ANAPC10: variants seen among roughly 807,000 people sequenced by gnomAD.
ANAPC10 encodes anaphase-promoting complex subunit 10.
ANAPC10 carries 12 observed loss-of-function variants against 22.0 expected under a neutral mutation model. That is an observed-to-expected ratio of 0.55 (90% CI 0.35 to 0.88). The LOEUF is 0.88. Among genes scored for constraint, ANAPC10 ranks in the 40% least tolerant of loss-of-function variants. The pLI, the probability that ANAPC10 is intolerant of heterozygous loss-of-function variation, is 0.01. For synonymous variants in ANAPC10, 65 were observed against 69.5 expected (o/e 0.94, Z 0.32); for missense variants, 188 against 220.9 (o/e 0.85, Z 0.94).
At chr4:145,087,741 A>G (rs1476464958) in intron 2 of ANAPC10, among the ~76,000 whole-genome samples, 3 of 152,304 alleles carry the variant, frequency 2.0e-5, no homozygotes, top group Non-Finnish European at 4.4e-5. Context: ...AATATGAAGT[A>G]TTAGTACAAC....
intron 4 of ANAPC10, among the ~76,000 whole-genome samples, chr4:145,002,207 C>T (rs918621203): frequency 6.6e-6 from 1 of 152,112 alleles, no homozygotes; most frequent in Non-Finnish European, 1.5e-5. Context: ...AACAAGTTAA[C>T]ATTAATGATG....
chr4:145,073,584 G>A (rs1189422757), intron 3 of ANAPC10, among the ~76,000 whole-genome samples: 1 of 151,998 alleles, frequency 6.6e-6, no homozygotes, highest in Admixed American at 6.5e-5. Context: ...AGTACTTTCT[G>A]TTCAAAGTGC....
At chr4:145,015,998 C>T (rs1442087993) in intron 4 of ANAPC10, among the ~76,000 whole-genome samples, 1 of 152,104 alleles carries the variant, frequency 6.6e-6, no homozygotes, top group Non-Finnish European at 1.5e-5. Flanking sequence ...AAGCACAAAT[C>T]TCACAGCCAA....
intron 4 of ANAPC10, among the ~76,000 whole-genome samples, chr4:145,015,041 C>A (rs186979654): frequency 1.3e-5 from 2 of 152,096 alleles, no homozygotes; most frequent in Admixed American, 1.3e-4. Context: ...TTAACACCCC[C>A]CAAAAAATCA....
rs148082500 is a variant in ANAPC10, at chr4:145,079,636, A to G, written c.206+2024T>C. On this transcript the variant is annotated intron_variant, in intron 3 of 4. Transcript: ENST00000507656. ...AGACAAGGAATCAACCTAGATGCCC[A>G]TCAACAGTGGACTGGATAAAGAAAA... 6.9e-3 allele frequency among the ~76,000 whole-genome samples: 1,055 copies of G among 152,354 alleles called. 6 individuals carry two copies. The highest frequency in any genetic ancestry group is 0.02 in the Middle Eastern group (6 of 294).
intron 2 of ANAPC10, among the ~76,000 whole-genome samples, chr4:145,092,698 G>A (rs1747869742): frequency 6.6e-6 from 1 of 152,116 alleles, no homozygotes; most frequent in African/African-American, 2.4e-5. Context: ...CTAAGTCAGT[G>A]CTACAGATAC....
Position 145,094,876 on chromosome 4 carries a change from A to C in ANAPC10, c.115+1109T>G, listed in dbSNP as rs573544633. The stretch of plus-strand genomic sequence containing the variant: ...AAGAAGATAGTGAAAGAGCATTCAT[A>C]AATTTTTGAGAGAAAAGGACTGCCA... On this transcript the variant is annotated intron_variant, in intron 2 of 4. Coordinates refer to ENST00000507656, the MANE Select transcript of ANAPC10 (RefSeq NM_001256706.2). Among the ~76,000 whole-genome samples, 8 of 152,316 alleles carry C rather than the reference A, an allele frequency of 5.3e-5. No individual in the cohort carries two copies. The South Asian group carries it at 1.7e-3, about 32-fold the overall frequency.
intron 2 of ANAPC10, among the ~76,000 whole-genome samples, chr4:145,085,190 G>A (rs985131203): frequency 2.0e-5 from 3 of 152,142 alleles, no homozygotes; most frequent in Admixed American, 1.3e-4. Flanking sequence ...CCTGGAGTTC[G>A]AGGCTGTAGT....
intron 4 of ANAPC10, among the ~76,000 whole-genome samples, chr4:145,018,587 G>T (rs1457911434): frequency 3.3e-5 from 5 of 151,808 alleles, no homozygotes; most frequent in East Asian, 1.9e-4. Context: ...GCAGTGAGCC[G>T]AGATCGTGCC....
chr4:145,001,126 A>AT (rs1390410446), intron 4 of ANAPC10, among the ~76,000 whole-genome samples: 1 of 151,702 alleles, frequency 6.6e-6, no homozygotes, highest in Non-Finnish European at 1.5e-5. Context: ...TGGTACATGT[A>AT]TACCTATGTA....
chr4:145,047,319 T>C (rs560426210), intron 4 of ANAPC10, among the ~76,000 whole-genome samples: 9 of 152,222 alleles, frequency 5.9e-5, no homozygotes, highest in Non-Finnish European at 1.2e-4. Flanking sequence ...AAACCCAGAT[T>C]GCAGGTTATG....
Position 145,011,116 on chromosome 4 carries a change from G to A in ANAPC10, c.328-15513C>T, listed in dbSNP as rs151060473. On this transcript the variant is annotated intron_variant, in intron 4 of 4. Coordinates refer to ENST00000507656, the MANE Select transcript of ANAPC10 (RefSeq NM_001256706.2). Reference sequence around the variant, plus strand: ...GGAGGCCGAGGCAAGTGGATCACCCGAGGTCAGGAGTTCGAGACCAACCTG... The same window carrying A: ...GGAGGCCGAGGCAAGTGGATCACCCAAGGTCAGGAGTTCGAGACCAACCTG... Among the ~76,000 whole-genome samples, 1,443 of 151,978 alleles carry A rather than the reference G, an allele frequency of 9.5e-3. 29 individuals are homozygous for A. The highest frequency in any genetic ancestry group is 0.033 in the African/African-American group (1,370 of 41,420).
chr4:144,999,785 C>T (rs1294047543), intron 4 of ANAPC10, among the ~76,000 whole-genome samples: 1 of 152,140 alleles, frequency 6.6e-6, no homozygotes, highest in Non-Finnish European at 1.5e-5. Flanking sequence ...AGGCATCATG[C>T]TACCTCACTT....
chr4:145,036,667 C>T (rs1400154949), intron 4 of ANAPC10, among the ~76,000 whole-genome samples: 1 of 152,042 alleles, frequency 6.6e-6, no homozygotes, highest in Non-Finnish European at 1.5e-5. Context: ...TTTTAACCTA[C>T]ATACATGTTT....
intron 4 of ANAPC10, among the ~76,000 whole-genome samples, chr4:145,006,508 C>T (rs971904255): frequency 1.3e-5 from 2 of 151,994 alleles, no homozygotes; most frequent in African/African-American, 4.8e-5. Flanking sequence ...TACAAGAAGA[C>T]CTAGATTTGA....
At chr4:145,014,081 G>C (rs1267094638) in intron 4 of ANAPC10, among the ~76,000 whole-genome samples, 1 of 152,068 alleles carries the variant, frequency 6.6e-6, no homozygotes, top group Non-Finnish European at 1.5e-5. Flanking sequence ...GAAGGCTCCT[G>C]GCCAGAACTC....
At position 144,995,587 on chromosome 4, in the gene ANAPC10, T is replaced by C. The variant is rs1430044692; in HGVS notation, c.344A>G (p.Glu115Gly). 1.2e-6 allele frequency: 2 copies of C among 1,608,406 alleles called. No individual in the cohort carries two copies. Among genetic ancestry groups the C allele is most frequent in the African/African-American group, 1.3e-5 (1 of 74,786 alleles). Reference protein sequence around the residue: ...LQEIRQLELVEPSGWIHVPLT... With the variant: ...LQEIRQLELVGPSGWIHVPLT... ...GGGAACATGAATCCAGCCACTTGGT[T>C]CCACCAACTCAAGTTGCTGCCAAGG... is the stretch of plus-strand genomic sequence containing the variant. The change falls in exon 5 of 5, where the codon GAA (glutamate) becomes GGA (glycine). Residue 115 changes from glutamate (E) to glycine (G), a missense_variant. Physicochemically the swap from Glu to Gly is moderately conservative, Grantham distance 98. Coordinates refer to ENST00000507656, the MANE Select transcript of ANAPC10 (RefSeq NM_001256706.2).
intron 4 of ANAPC10, among the ~76,000 whole-genome samples, chr4:145,055,664 A>G (rs888842858): frequency 1.3e-5 from 2 of 152,192 alleles, no homozygotes; most frequent in Non-Finnish European, 2.9e-5. Context: ...TCAAAAAAGG[A>G]CAAATATTGT....
chr4:145,028,975 A>G (rs943295871), intron 4 of ANAPC10, among the ~76,000 whole-genome samples: 1 of 152,176 alleles, frequency 6.6e-6, no homozygotes, highest in African/African-American at 2.4e-5. Context: ...AAAAGCTGAA[A>G]TTGTGGAAAA....
Sources: allele counts gnomAD v4.1 joint callset (sites outside exome capture counted in the v4.1 genomes callset), GRCh38; gene constraint gnomAD v4.1.1; transcripts MANE v1.5; gene names NCBI Gene and HGNC (gene_info 2026-07-23, HGNC 2026-07-21).